The following CHM variants were observed in gnomAD, a reference collection of about 807,000 sequenced individuals.
CHM encodes the protein rab proteins geranylgeranyltransferase component A 1.
Under a neutral mutation model 49.0 loss-of-function variants are expected in CHM, and 10 were observed. The ratio of observed to expected loss-of-function variants is 0.20; its 90% CI spans 0.13 to 0.35. The LOEUF is 0.35. Ranked by LOEUF, CHM falls within the 10% of genes least tolerant of loss-of-function variation. The pLI is 1.00. For synonymous variants in CHM, 184 were observed against 167.5 expected (o/e 1.10, Z -0.76); for missense variants, 455 against 478.4 (o/e 0.95, Z 0.46).
intron 5 of CHM, among the ~76,000 whole-genome samples, 178 bp from the exon 6 acceptor site, chrX:85,959,155 A>G (rs2147667997): frequency 8.9e-6 from 1 of 111,940 alleles, no homozygotes; most frequent in African/African-American, 3.2e-5. Flanking sequence ...GAAATTCAAA[A>G]TTCAAAAAAC....
chrX:85,889,984 G>A (rs149533791), intron 12 of CHM, among the ~76,000 whole-genome samples: 1,740 of 111,186 alleles, frequency 0.016, 39 homozygotes, highest in African/African-American at 0.053. Flanking sequence ...TCACAAGTAG[G>A]AGCTAAATCT....
chrX:85,896,130 T>A (rs1394671194), intron 11 of CHM, among the ~76,000 whole-genome samples: 1 of 91,023 alleles, frequency 1.1e-5, no homozygotes, highest in Admixed American at 1.3e-4. Context: ...CTATCTATAC[T>A]GCACAACTCA....
chrX:86,002,838 C>T (rs1262629846), intron 2 of CHM, among the ~76,000 whole-genome samples: 1 of 112,483 alleles, frequency 8.9e-6, no homozygotes, highest in Non-Finnish European at 1.9e-5. Flanking sequence ...CAGACAACTT[C>T]TGCAGACTTA....
chrX:85,965,534 A>G (rs1198981640), intron 4 of CHM, among the ~76,000 whole-genome samples: 2 of 111,767 alleles, frequency 1.8e-5, no homozygotes, highest in Non-Finnish European at 3.8e-5. Context: ...ATAAATGCTT[A>G]ATTAATAATG....
intron 8 of CHM, among the ~76,000 whole-genome samples, chrX:85,918,837 ATCC>A (rs1230127254): frequency 2.7e-5 from 3 of 112,059 alleles, no homozygotes; most frequent in African/African-American, 9.7e-5. Context: ...AGACTTAACT[ATCC>A]TAAATGCACC....
intron 2 of CHM, among the ~76,000 whole-genome samples, chrX:86,023,505 C>T (rs1933688766): frequency 9.0e-6 from 1 of 111,277 alleles, no homozygotes; most frequent in Non-Finnish European, 1.9e-5. Context: ...AGTTAGTTGT[C>T]CCCCTATAGC....
chrX:86,039,488 C>G (rs906571288), intron 1 of CHM, among the ~76,000 whole-genome samples: 1 of 87,078 alleles, frequency 1.1e-5, no homozygotes, highest in Non-Finnish European at 2.2e-5. Context: ...CATAATAACT[C>G]AATGAGAACA....
intron 8 of CHM, among the ~76,000 whole-genome samples, chrX:85,955,429 C>A (rs775288980): frequency 1.6e-4 from 18 of 111,366 alleles, no homozygotes; most frequent in Non-Finnish European, 3.4e-4. Context: ...CAAAAAAAGA[C>A]ACAAACAAGT....
intron 14 of CHM, among the ~76,000 whole-genome samples, chrX:85,872,219 C>T (rs1480920814): frequency 2.7e-5 from 3 of 112,155 alleles, no homozygotes; most frequent in Non-Finnish European, 5.6e-5. Flanking sequence ...ATGAAAGTTC[C>T]ATCTGTGGTC....
At chrX:86,009,560 C>CA (rs1360106682) in intron 2 of CHM, among the ~76,000 whole-genome samples, 1 of 112,091 alleles carries the variant, frequency 8.9e-6, no homozygotes, top group East Asian at 2.8e-4. Context: ...GTCATCCTAA[C>CA]AAAAAAATCT....
At chrX:86,002,003 T>G (rs2052364607) in intron 2 of CHM, among the ~76,000 whole-genome samples, 1 of 110,871 alleles carries the variant, frequency 9.0e-6, no homozygotes, top group African/African-American at 3.3e-5. Flanking sequence ...CTACCGAATC[T>G]CCCATCTCCC....
At chrX:85,900,901 C>A (rs1408287547) in intron 10 of CHM, among the ~76,000 whole-genome samples, 183 bp downstream of exon 10, 1 of 111,939 alleles carries the variant, frequency 8.9e-6, no homozygotes, top group African/African-American at 3.2e-5. Flanking sequence ...TACAGACAAA[C>A]CCCAGCTGAA....
intron 2 of CHM, among the ~76,000 whole-genome samples, chrX:86,001,422 G>A (rs1932715267): frequency 9.0e-6 from 1 of 111,233 alleles, no homozygotes; most frequent in Admixed American, 9.6e-5. Context: ...AATATCTGAG[G>A]CTGGGTAATT....
intron 1 of CHM, among the ~76,000 whole-genome samples, chrX:86,039,631 C>T (rs967532241): frequency 9.1e-6 from 1 of 110,045 alleles, no homozygotes; most frequent in Admixed American, 9.7e-5. Context: ...CTGAGAAAAC[C>T]CCACCCTCAA....
intron 8 of CHM, among the ~76,000 whole-genome samples, chrX:85,955,726 T>C (rs1269474996): frequency 8.9e-6 from 1 of 112,109 alleles, no homozygotes; most frequent in Non-Finnish European, 1.9e-5. Flanking sequence ...CCTAGATATG[T>C]TTCCGAGAGA....
intron 8 of CHM, among the ~76,000 whole-genome samples, chrX:85,916,755 C>A (rs979081908): frequency 8.9e-6 from 1 of 112,291 alleles, no homozygotes; most frequent in Admixed American, 9.4e-5. Flanking sequence ...TACCATCTAG[C>A]ACCAGTCAGA....
intron 8 of CHM, among the ~76,000 whole-genome samples, chrX:85,918,922 T>C (rs888170289): frequency 1.8e-5 from 2 of 111,463 alleles, no homozygotes; most frequent in Non-Finnish European, 1.9e-5. Context: ...AACCACACAA[T>C]AATAGTGGGA....
chrX:85,945,904 A>C (rs1456560015), intron 8 of CHM, among the ~76,000 whole-genome samples: 4 of 112,203 alleles, frequency 3.6e-5, no homozygotes, highest in African/African-American at 1.3e-4. Flanking sequence ...CAGATGGAAA[A>C]GAGGAACTTA....
At chrX:85,876,137 C>T (rs934435707) in intron 13 of CHM, among the ~76,000 whole-genome samples, 6 of 111,277 alleles carry the variant, frequency 5.4e-5, no homozygotes, top group African/African-American at 1.6e-4. Flanking sequence ...CATCACTAAT[C>T]GCTGGGGGAG....
Sources: allele counts gnomAD v4.1 joint callset (sites outside exome capture counted in the v4.1 genomes callset), GRCh38; gene constraint gnomAD v4.1.1; transcripts MANE v1.5; gene names NCBI Gene and HGNC (gene_info 2026-07-23, HGNC 2026-07-21).